Variants in SIAH3 observed in about 807,000 individuals in gnomAD.
SIAH3 encodes siah E3 ubiquitin protein ligase family member 3.
SIAH3 carries 9 observed loss-of-function variants against 12.6 expected under a neutral mutation model. The observed-to-expected ratio is 0.72, with a 90% CI of 0.43 to 1.25. The LOEUF (loss-of-function observed/expected upper bound fraction) is 1.25, where lower values mean the gene tolerates loss of function less well. SIAH3 is among the 50% of genes most tolerant of loss of function. The pLI is 0.00. For synonymous variants in SIAH3, 154 were observed against 151.1 expected (o/e 1.02, Z -0.14); for missense variants, 390 against 365.4 (o/e 1.07, Z -0.55).
chr13:45,783,607 C>T lies in SIAH3; in HGVS notation c.586G>A (p.Ala196Thr), dbSNP rs753478773. The T allele has an allele frequency of 6.8e-6, 11 of 1,614,044 alleles. No homozygotes were observed. The highest frequency in any genetic ancestry group is 8.5e-6 in the Non-Finnish European group (10 of 1,180,024). Residue 196 changes from alanine to threonine, a missense_variant, in exon 2 of 2, where the codon GCC becomes ACC. By Grantham distance (58) the Ala-to-Thr change is moderately conservative (BLOSUM62 0). Coordinates refer to ENST00000400405, the MANE Select transcript of SIAH3 (RefSeq NM_198849.3). Reference sequence around the variant, plus strand: ...TCCAGGCGATAGGTGAAGCAGTCGGCCTGGGTGGGGGTCCCAATCAGCATC... The same window carrying T: ...TCCAGGCGATAGGTGAAGCAGTCGGTCTGGGTGGGGGTCCCAATCAGCATC... ...TMMLIGTPTQ[A>T]DCFTYRLELN...
At chr13:45,820,870 C>T (rs1052444595) in intron 1 of SIAH3, among the ~76,000 whole-genome samples, 4 of 152,190 alleles carry the variant, frequency 2.6e-5, no homozygotes, top group African/African-American at 9.7e-5. Context: ...AGGCTGATGC[C>T]TGCCCTCTGG....
chr13:45,805,604 A>G (rs1057259998), intron 1 of SIAH3, among the ~76,000 whole-genome samples: 1 of 152,210 alleles, frequency 6.6e-6, no homozygotes, highest in Admixed American at 6.5e-5. Flanking sequence ...CTGAAATGTA[A>G]GACCTCAAAC....
chr13:45,825,640 T>C (rs1208192321), intron 1 of SIAH3, among the ~76,000 whole-genome samples: 1 of 152,234 alleles, frequency 6.6e-6, no homozygotes, highest in Non-Finnish European at 1.5e-5. Flanking sequence ...ATGCTGAGTC[T>C]CTTAGGAAAC....
intron 1 of SIAH3, among the ~76,000 whole-genome samples, chr13:45,834,571 G>A (rs1391710775): frequency 6.6e-6 from 1 of 152,166 alleles, no homozygotes; most frequent in Non-Finnish European, 1.5e-5. Context: ...AGGGCCTATG[G>A]CTGGTGGGCA....
In SIAH3 at chr13:45,780,721, T is replaced by TA. The variant is rs1430431055; in HGVS notation, c.*2661dup. 1 of 152,236 alleles carries TA rather than the reference T, an allele frequency of 6.6e-6. No homozygotes were observed. The highest frequency in any genetic ancestry group is 1.5e-5 in the Non-Finnish European group (1 of 68,044). 9.4% of individuals were successfully genotyped at this position (152,236 alleles called of 1,614,324 possible). A position where few individuals can be genotyped will look rare whatever the true frequency, so the allele number is the denominator to read the frequency against. On this transcript the variant is annotated 3_prime_UTR_variant, in exon 2 of 2. Transcript: ENST00000400405. ...ACTGCTGAATATTTCGGATCAGTCT[T>TA]ACTTCAAGAACACCAAGTTTGCAGT...
intron 1 of SIAH3, among the ~76,000 whole-genome samples, chr13:45,836,047 C>T (rs1950716581): frequency 6.6e-6 from 1 of 152,130 alleles, no homozygotes; most frequent in Non-Finnish European, 1.5e-5. Context: ...GGATACAGAG[C>T]CCTTGGGGTA....
intron 1 of SIAH3, among the ~76,000 whole-genome samples, chr13:45,803,030 C>T (rs569351828): frequency 4.0e-5 from 6 of 151,806 alleles, no homozygotes; most frequent in Non-Finnish European, 5.9e-5. Flanking sequence ...TGAGATCGCT[C>T]ACTGCACTCC....
intron 1 of SIAH3, among the ~76,000 whole-genome samples, chr13:45,797,146 G>GTT (rs55667913): frequency 6.8e-6 from 1 of 147,746 alleles, no homozygotes. Flanking sequence ...CTCTATGCAG[G>GTT]TTTTTTTTTT....
intron 1 of SIAH3, among the ~76,000 whole-genome samples, chr13:45,851,283 C>G (rs1242661446): frequency 1.3e-5 from 2 of 152,130 alleles, no homozygotes; most frequent in African/African-American, 4.8e-5. Context: ...CTTTTCCTGC[C>G]AGCTGGGGAA....
chr13:45,840,671 C>G (rs1046252813), intron 1 of SIAH3, among the ~76,000 whole-genome samples: 2 of 152,130 alleles, frequency 1.3e-5, no homozygotes, highest in African/African-American at 4.8e-5. Context: ...CCACCCCGAG[C>G]CGGAGCATCT....
rs1593372360 is a variant in SIAH3 at position 45,780,418 on chromosome 13, G to A, written c.*2965C>T. Reference sequence around the variant, plus strand: ...TCCGAGTAGTTAAGACTATAGGCTTGTGTCACCATGCCCAGCTGATTTTTT... The same window carrying A: ...TCCGAGTAGTTAAGACTATAGGCTTATGTCACCATGCCCAGCTGATTTTTT... On this transcript the variant is annotated 3_prime_UTR_variant, in exon 2 of 2. Transcript: ENST00000400405. The A allele has an allele frequency of 6.6e-6, 1 of 151,780 alleles. No individual in the cohort carries two copies. Among genetic ancestry groups the A allele is most frequent in the Non-Finnish European group, 1.5e-5 (1 of 68,078 alleles). The allele number at this position is 151,780 out of a possible 1,614,324, so 9.4% of individuals were successfully genotyped here.
chr13:45,794,702 G>T (rs1950556898), intron 1 of SIAH3, among the ~76,000 whole-genome samples: 1 of 152,106 alleles, frequency 6.6e-6, no homozygotes, highest in Non-Finnish European at 1.5e-5. Context: ...TGCCTTGATT[G>T]TGAGGCCTCC....
chr13:45,802,293 G>A (rs1045216941), intron 1 of SIAH3, among the ~76,000 whole-genome samples: 5 of 152,040 alleles, frequency 3.3e-5, no homozygotes, highest in South Asian at 4.2e-4. Flanking sequence ...GTGACAGAGC[G>A]AGACTCCATC....
At chr13:45,798,726 TCCGGCAGATCC>T (rs1456053503) in intron 1 of SIAH3, among the ~76,000 whole-genome samples, 2 of 152,232 alleles carry the variant, frequency 1.3e-5, no homozygotes, top group Non-Finnish European at 2.9e-5. Flanking sequence ...TGCAGTCACT[TCCGGCAGATCC>T]CTGAACCACT....
chr13:45,835,544 G>A (rs1222909572), intron 1 of SIAH3, among the ~76,000 whole-genome samples: 7 of 152,118 alleles, frequency 4.6e-5, no homozygotes, highest in African/African-American at 1.7e-4. Flanking sequence ...GGAGGCAGGC[G>A]GTTATTATTA....
intron 1 of SIAH3, among the ~76,000 whole-genome samples, chr13:45,802,710 G>A (rs1383469300): frequency 6.6e-6 from 1 of 152,136 alleles, no homozygotes; most frequent in Non-Finnish European, 1.5e-5. Flanking sequence ...ATCTACATTC[G>A]GCAGGTTGCC....
intron 1 of SIAH3, among the ~76,000 whole-genome samples, chr13:45,830,112 A>C (rs1231436527): frequency 6.6e-6 from 1 of 152,246 alleles, no homozygotes; most frequent in Non-Finnish European, 1.5e-5. Flanking sequence ...CCAGGTTTGA[A>C]TTAGAGGGCT....
At chr13:45,839,422 C>T in intron 1 of SIAH3, among the ~76,000 whole-genome samples, 1 of 152,104 alleles carries the variant, frequency 6.6e-6, no homozygotes, top group East Asian at 1.9e-4. Context: ...AACCAGGTAA[C>T]CCATTTCTTA....
chr13:45,790,675 G>A (rs770817779), intron 1 of SIAH3, among the ~76,000 whole-genome samples: 6 of 152,150 alleles, frequency 3.9e-5, no homozygotes, highest in Non-Finnish European at 5.9e-5. Context: ...AGCACAGATC[G>A]ATGCATTAGT....
Sources: gnomAD v4.1 joint callset for allele counts (sites outside exome capture counted in the v4.1 genomes callset) on GRCh38, gnomAD v4.1.1 for gene constraint, MANE v1.5 for transcripts, NCBI Gene and HGNC (gene_info 2026-07-23, HGNC 2026-07-21) for gene names.